CLRN2: variants seen among roughly 807,000 people sequenced by gnomAD.
CLRN2 encodes clarin-2.
CLRN2 carries 17 observed loss-of-function variants against 20.1 expected under a neutral mutation model. That is an observed-to-expected ratio of 0.85 (90% CI 0.58 to 1.27). CLRN2 has a LOEUF of 1.27. CLRN2 is among the 50% of genes most tolerant of loss of function. CLRN2 has a pLI of 0.00. For missense variants in CLRN2, 288 were observed against 299.5 expected, an observed-to-expected ratio of 0.96 and a Z score of 0.28; for synonymous variants, 140 against 126.9, an observed-to-expected ratio of 1.10 and a Z score of -0.70.
chr4:17,524,147 G>A (rs1711900577), intron 2 of CLRN2, among the ~76,000 whole-genome samples: 1 of 151,148 alleles, frequency 6.6e-6, no homozygotes, highest in African/African-American at 2.4e-5. Context: ...TTTTTCCACA[G>A]ATCCATGCTC....
At chr4:17,523,580 C>T (rs1400980481) in intron 2 of CLRN2, among the ~76,000 whole-genome samples, 1 of 151,420 alleles carries the variant, frequency 6.6e-6, no homozygotes, top group Non-Finnish European at 1.5e-5. Context: ...GAAGAGAGAT[C>T]GAGGTGAAAG....
chr4:17,515,593 A>C, intron 1 of CLRN2, 74 bp downstream of exon 1: 1 of 1,528,088 alleles, frequency 6.5e-7, no homozygotes, highest in Non-Finnish European at 8.9e-7. Flanking sequence ...CTTATGTCTC[A>C]TTGTGGAATT....
At chr4:17,518,177 C>A (rs1249717979) in intron 1 of CLRN2, among the ~76,000 whole-genome samples, 1 of 152,140 alleles carries the variant, frequency 6.6e-6, no homozygotes, top group African/African-American at 2.4e-5. Context: ...CAAACAGCCA[C>A]TTTTCTCATC....
At chr4:17,523,454 A>G (rs559902711) in intron 2 of CLRN2, among the ~76,000 whole-genome samples, 104 of 152,128 alleles carry the variant, frequency 6.8e-4, no homozygotes, top group African/African-American at 2.5e-3. Context: ...AGCTCAAGGG[A>G]TCCACCTGTC....
Position 17,515,439 on chromosome 4 carries a change from T to C in CLRN2, c.173T>C (p.Ile58Thr), listed in dbSNP as rs754643364. Residue 58 changes from isoleucine to threonine, a missense_variant, in exon 1 of 3, where the codon ATT becomes ACT. Transcript: ENST00000511148. ...NATDRELVKF[I>T]GDIYYGLFRG... ...ACAGACAGAGAGCTGGTCAAGTTCA[T>C]TGGGGACATTTACTACGGGCTCTTC... 10 of 1,613,774 alleles carry C rather than the reference T, an allele frequency of 6.2e-6. No individual in the cohort carries two copies. Among genetic ancestry groups the C allele is most frequent in the South Asian group, 2.2e-5 (2 of 91,082 alleles).
At chr4:17,518,161 C>T (rs922099546) in intron 1 of CLRN2, among the ~76,000 whole-genome samples, 7 of 152,034 alleles carry the variant, frequency 4.6e-5, no homozygotes, top group Admixed American at 2.0e-4. Flanking sequence ...TATTGGGTCT[C>T]GTTCACAAAC....
intron 1 of CLRN2, 26 bp from the exon 2 acceptor site, chr4:17,522,838 A>G: frequency 6.2e-7 from 1 of 1,605,532 alleles, no homozygotes; most frequent in Non-Finnish European, 8.5e-7. Flanking sequence ...TGACATTGAA[A>G]TAGTGGCTGT....
intron 2 of CLRN2, 35 bp from the exon 3 acceptor site, chr4:17,526,782 G>C: frequency 6.2e-7 from 1 of 1,608,788 alleles, no homozygotes; most frequent in South Asian, 1.1e-5. Flanking sequence ...TTGCAAAAAG[G>C]AGCCGTGAAT....
At chr4:17,523,341 A>G (rs1711881636) in intron 2 of CLRN2, among the ~76,000 whole-genome samples, 1 of 151,804 alleles carries the variant, frequency 6.6e-6, no homozygotes, top group Non-Finnish European at 1.5e-5. Context: ...CAGGCCCCCA[A>G]GTAGCTGGGA....
chr4:17,515,477 G>A lies in CLRN2; in HGVS notation c.211G>A (p.Val71Met), dbSNP rs769905185. The change falls in exon 1 of 3, where the codon GTG (valine) becomes ATG (methionine). Residue 71 changes from valine to methionine, a missense_variant. Transcript: ENST00000511148. ...CTACGGGCTCTTCCGAGGGTGTAAA[G>A]TGCGGCAGTGTGGGCTTGGGGGCCG... ...IYYGLFRGCKVRQCGLGGRQS... is the reference protein window; with the variant it reads ...IYYGLFRGCKMRQCGLGGRQS... 6.2e-7 allele frequency: 1 copy of A among 1,613,976 alleles called. No individual in the cohort carries two copies. Among genetic ancestry groups the A allele is most frequent in the South Asian group, 1.1e-5 (1 of 91,074 alleles).
At chr4:17,525,288 A>T (rs987906899) in intron 2 of CLRN2, among the ~76,000 whole-genome samples, 1 of 152,198 alleles carries the variant, frequency 6.6e-6, no homozygotes, top group Non-Finnish European at 1.5e-5. Flanking sequence ...CTCTACTAAA[A>T]ATACTTACAT....
At chr4:17,522,392 G>T (rs546283380) in intron 1 of CLRN2, among the ~76,000 whole-genome samples, 2 of 152,248 alleles carry the variant, frequency 1.3e-5, no homozygotes, top group Admixed American at 1.3e-4. Flanking sequence ...CTTCACAGCT[G>T]GTACTGCTGG....
At chr4:17,521,400 G>T (rs772021566) in intron 1 of CLRN2, among the ~76,000 whole-genome samples, 1 of 152,198 alleles carries the variant, frequency 6.6e-6, no homozygotes, top group Non-Finnish European at 1.5e-5. Flanking sequence ...AGGTGAACCA[G>T]CAAAGGAACT....
chr4:17,522,668 C>G (rs564352704), intron 1 of CLRN2, among the ~76,000 whole-genome samples, 196 bp from the exon 2 acceptor site: 1 of 152,184 alleles, frequency 6.6e-6, no homozygotes, highest in African/African-American at 2.4e-5. Context: ...GGAACAGAGG[C>G]TTGTTGGTCA....
In CLRN2 at chr4:17,515,342, G is replaced by A. The variant is rs778262729; in HGVS notation, c.76G>A (p.Val26Ile). Residue 26 changes from valine (V) to isoleucine (I), a missense_variant, in exon 1 of 3, where the codon GTT (valine) becomes ATT (isoleucine). Physicochemically the swap from Val to Ile is conservative, Grantham distance 29. Transcript: ENST00000511148. ...LSFSSFILII[V>I]ALVVPHWLSG... ...CTTCTCCTCCTTCATCCTGATCATC[G>A]TTGCCCTGGTAGTGCCCCACTGGCT... 7.4e-6 allele frequency: 12 copies of A among 1,613,970 alleles called. No homozygotes were observed. Among genetic ancestry groups the A allele is most frequent in the East Asian group, 4.5e-5 (2 of 44,882 alleles).
intron 2 of CLRN2, among the ~76,000 whole-genome samples, chr4:17,526,283 G>A (rs1180806220): frequency 6.6e-6 from 1 of 152,224 alleles, no homozygotes; most frequent in Non-Finnish European, 1.5e-5. Flanking sequence ...GAGTGGGCCG[G>A]GTGCGGTGGC....
At chr4:17,517,929 C>G (rs902729970) in intron 1 of CLRN2, among the ~76,000 whole-genome samples, 1 of 152,082 alleles carries the variant, frequency 6.6e-6, no homozygotes, top group Non-Finnish European at 1.5e-5. Flanking sequence ...CCAGTCTAGT[C>G]TCCTTTAGAT....
At chr4:17,517,663 C>T (rs1029425612) in intron 1 of CLRN2, among the ~76,000 whole-genome samples, 19 of 152,168 alleles carry the variant, frequency 1.2e-4, no homozygotes, top group Non-Finnish European at 2.2e-4. Flanking sequence ...GTTCATCTAA[C>T]GTGGTCTGGT....
chr4:17,524,318 T>A (rs973470379), intron 2 of CLRN2, among the ~76,000 whole-genome samples: 21 of 151,882 alleles, frequency 1.4e-4, no homozygotes, highest in Non-Finnish European at 4.4e-5. Context: ...TCATCTGTAA[T>A]GAAAATAACA....
Sources: gnomAD v4.1 joint callset for allele counts (sites outside exome capture counted in the v4.1 genomes callset) on GRCh38, gnomAD v4.1.1 for gene constraint, MANE v1.5 for transcripts, NCBI Gene and HGNC (gene_info 2026-07-23, HGNC 2026-07-21) for gene names.